Variants in GLI2 observed in about 807,000 individuals in gnomAD.
GLI2 encodes GLI family zinc finger 2.
GLI2 carries 22 observed loss-of-function variants against 78.9 expected under a neutral mutation model. That is an observed-to-expected ratio of 0.28 (90% CI 0.20 to 0.40). The LOEUF is 0.40. Ranked by LOEUF, GLI2 falls within the 10% of genes least tolerant of loss-of-function variation. The pLI, the probability that GLI2 is intolerant of heterozygous loss-of-function variation, is 1.00. For missense variants in GLI2, 2,097 were observed against 2,213.2 expected (o/e 0.95, Z 1.05); for synonymous variants, 974 against 963.7 (o/e 1.01, Z -0.20).
At position 120,990,643 on chromosome 2, in the gene GLI2, G is replaced by A. The variant is rs770936696; in HGVS notation, c.4678G>A (p.Glu1560Lys). Residue 1560 changes from glutamate to lysine, a missense_variant, in exon 14 of 14, where the codon GAG becomes AAG. Glu to Lys is a moderately conservative substitution (Grantham distance 56). This residue lies in a region of GLI2 where 1,290 missense variants were observed against 1,261.7 expected (regional missense o/e 1.02). Transcript: ENST00000361492. ...DMSSMLTSLA[E>K]ESKFLNMMT is the part of the protein sequence containing the mutation. ...GAGCTCCATGCTCACCAGCCTCGCC[G>A]AGGAGAGCAAGTTCCTGAACATGAT... 2.2e-4 allele frequency: 350 copies of A among 1,612,936 alleles called. 1 individual carries two copies. The East Asian group carries it at 4.6e-3, about 21-fold the overall frequency.
At chr2:120,786,534 G>A (rs764995645) in intron 1 of GLI2, among the ~76,000 whole-genome samples, 16 of 149,910 alleles carry the variant, frequency 1.1e-4, no homozygotes, top group East Asian at 2.0e-4. Context: ...CTCAAAAAGC[G>A]CTTTTAAGAG....
chr2:120,756,744 T>C (rs1394852634), intron 1 of GLI2, among the ~76,000 whole-genome samples: 1 of 152,234 alleles, frequency 6.6e-6, no homozygotes, highest in Non-Finnish European at 1.5e-5. Context: ...TCATCTCTAC[T>C]AATATCCTTT....
chr2:120,953,619 G>A (rs1681098498), intron 4 of GLI2, among the ~76,000 whole-genome samples: 1 of 152,224 alleles, frequency 6.6e-6, no homozygotes, highest in Admixed American at 6.5e-5. Context: ...GTCTACGGGA[G>A]GAAGGAACAG....
intron 1 of GLI2, 40 bp from the exon 2 acceptor site, chr2:120,797,251 T>G: frequency 6.5e-7 from 1 of 1,539,598 alleles, no homozygotes; most frequent in Non-Finnish European, 9.0e-7. Context: ...CGGCTGGGTT[T>G]GGGCTCAGTG....
Position 120,988,579 on chromosome 2 carries a change from C to G in GLI2, c.2614C>G (p.Leu872Val). The G allele has an allele frequency of 6.7e-7, 1 of 1,493,702 alleles. No homozygotes were observed. Among genetic ancestry groups the G allele is most frequent in the Non-Finnish European group, 8.9e-7 (1 of 1,128,026 alleles). The allele number at this position is 1,493,702 out of a possible 1,614,324, so 92.5% of individuals were successfully genotyped here. A position where few individuals can be genotyped will look rare whatever the true frequency, so the allele number is the denominator to read the frequency against. ...CCTCACGCCGGCGCAGCAGTACAGC[C>G]TGCGGGCCAAGTACGCGGCAGCCAC... The part of the protein sequence containing the change: ...LNLTPAQQYS[L>V]RAKYAAATGG... Residue 872 changes from leucine (L) to valine (V), a missense_variant, in exon 14 of 14, where the codon CTG becomes GTG. Transcript: ENST00000361492.
intron 1 of GLI2, among the ~76,000 whole-genome samples, chr2:120,738,155 T>C (rs1000502897): frequency 6.6e-6 from 1 of 152,250 alleles, no homozygotes; most frequent in African/African-American, 2.4e-5. Context: ...GCTTTGAGTT[T>C]GGAGGCTCTT....
intron 2 of GLI2, among the ~76,000 whole-genome samples, chr2:120,896,666 C>CA (rs1558865598): frequency 3.5e-3 from 31 of 8,870 alleles, no homozygotes; most frequent in African/African-American, 0.015. Context: ...CACACATACA[C>CA]CCACCCCCCC....
chr2:120,905,789 C>G (rs541358595), intron 2 of GLI2, among the ~76,000 whole-genome samples: 1 of 152,318 alleles, frequency 6.6e-6, no homozygotes, highest in Admixed American at 6.5e-5. Flanking sequence ...TAGTGCCCAA[C>G]ACACCTTAGC....
At chr2:120,861,194 C>G (rs940532730) in intron 2 of GLI2, among the ~76,000 whole-genome samples, 5 of 152,214 alleles carry the variant, frequency 3.3e-5, no homozygotes, top group Admixed American at 1.3e-4. Flanking sequence ...GGCCATGTAG[C>G]CCATGAGTGA....
At chr2:120,869,415 A>ATGCT (rs1688317212) in intron 2 of GLI2, among the ~76,000 whole-genome samples, 1 of 152,172 alleles carries the variant, frequency 6.6e-6, no homozygotes, top group Non-Finnish European at 1.5e-5. Context: ...AGCTAGCCCC[A>ATGCT]TCACAAACTT....
intron 2 of GLI2, among the ~76,000 whole-genome samples, chr2:120,844,022 A>C (rs1452619872): frequency 6.6e-6 from 1 of 152,096 alleles, no homozygotes; most frequent in East Asian, 1.9e-4. Context: ...CCCATCTCTC[A>C]CTGGGCCTGT....
intron 2 of GLI2, among the ~76,000 whole-genome samples, chr2:120,886,833 T>C (rs894777528): frequency 6.6e-6 from 1 of 152,222 alleles, no homozygotes; most frequent in Non-Finnish European, 1.5e-5. Flanking sequence ...GTGCCCTTGC[T>C]GAGGCAGGAG....
intron 1 of GLI2, among the ~76,000 whole-genome samples, chr2:120,747,088 A>G (rs1288589286): frequency 1.3e-5 from 2 of 152,180 alleles, no homozygotes; most frequent in Non-Finnish European, 2.9e-5. Context: ...TTTACCTGAA[A>G]TTCTGTTTCC....
chr2:120,971,605 T>C (rs1356776203), intron 7 of GLI2, among the ~76,000 whole-genome samples: 1 of 152,172 alleles, frequency 6.6e-6, no homozygotes, highest in African/African-American at 2.4e-5. Context: ...ACCCACAGTG[T>C]CCCCTGCTCT....
At chr2:120,830,761 A>G (rs981490467) in intron 2 of GLI2, among the ~76,000 whole-genome samples, 3 of 151,966 alleles carry the variant, frequency 2.0e-5, no homozygotes, top group South Asian at 2.1e-4. Context: ...GGTCCCCACC[A>G]TGTTCCCTCT....
chr2:120,982,081 A>G lies in GLI2; in HGVS notation c.1468-635A>G, dbSNP rs565875291. On this transcript the variant is annotated intron_variant, in intron 10 of 13. Coordinates refer to ENST00000361492, the MANE Select transcript of GLI2 (RefSeq NM_001374353.1). Reference sequence around the variant, plus strand: ...GCTCTCAGAGGAGATGACCTAAAAGATTGAGAGGGAGGGACCTGGGCCAGG... The same window carrying G: ...GCTCTCAGAGGAGATGACCTAAAAGGTTGAGAGGGAGGGACCTGGGCCAGG... Among the ~76,000 whole-genome samples the G allele has an allele frequency of 2.0e-5, 3 of 152,250 alleles. No individual in the cohort carries two copies. The East Asian group carries it at 5.8e-4, about 29-fold the overall frequency.
chr2:120,816,647 A>AT (rs1558812684), intron 2 of GLI2, among the ~76,000 whole-genome samples: 1 of 104,140 alleles, frequency 9.6e-6, no homozygotes, highest in Non-Finnish European at 2.2e-5. Flanking sequence ...CTTCTCCAAA[A>AT]TTAAAAAAAA....
intron 1 of GLI2, among the ~76,000 whole-genome samples, chr2:120,785,543 C>T (rs951735464): frequency 2.0e-5 from 3 of 152,126 alleles, no homozygotes; most frequent in African/African-American, 7.2e-5. Flanking sequence ...CAGGGCCACA[C>T]ACCAGCCCGG....
intron 2 of GLI2, among the ~76,000 whole-genome samples, chr2:120,863,833 C>T (rs993886771): frequency 5.3e-5 from 8 of 152,144 alleles, no homozygotes; most frequent in African/African-American, 7.2e-5. Flanking sequence ...AGGGCGAGGC[C>T]GAGGCAGCCC....
Sources: gnomAD v4.1 joint callset for allele counts (sites outside exome capture counted in the v4.1 genomes callset) on GRCh38, gnomAD v4.1.1 for gene constraint, gnomAD v4.1.1 regional missense constraint, MANE v1.5 for transcripts, NCBI Gene and HGNC (gene_info 2026-07-23, HGNC 2026-07-21) for gene names.